HOMER2: variants seen among roughly 807,000 people sequenced by gnomAD.
HOMER2 encodes homer protein homolog 2.
A neutral mutation model predicts 47.0 loss-of-function variants in HOMER2; 27 were observed. The observed-to-expected ratio is 0.57, with a 90% confidence interval of 0.42 to 0.79. The LOEUF is 0.79. HOMER2 is among the 30% of genes least tolerant of loss of function. HOMER2 has a pLI of 0.00. For missense variants in HOMER2, 443 were observed against 435.0 expected (o/e 1.02, Z -0.16); for synonymous variants, 161 against 163.8 (o/e 0.98, Z 0.13).
intron 3 of HOMER2, among the ~76,000 whole-genome samples, chr15:82,873,392 C>T (rs1055658176): frequency 2.0e-5 from 3 of 152,200 alleles, no homozygotes; most frequent in African/African-American, 7.2e-5. Flanking sequence ...CCAAGTGAGG[C>T]TGCAGAGAAC....
intron 1 of HOMER2, among the ~76,000 whole-genome samples, chr15:82,946,972 A>C (rs1000181796): frequency 3.9e-5 from 6 of 152,160 alleles, no homozygotes; most frequent in Admixed American, 3.3e-4. Context: ...CATTGTGTTT[A>C]CTCTCACAGC....
Position 82,854,754 on chromosome 15 carries a change from C to G in HOMER2, c.541G>C (p.Glu181Gln), listed in dbSNP as rs2051512981. ...GCTGTGGTCAGCCGTGCATTGCTCT[C>G]CCGAAGGGTCTGCAGCTCGATCTCC... ...KWEIELQTLR[E>Q]SNARLTTALQ... is the part of the protein sequence containing the mutation. Residue 181 changes from glutamate to glutamine, a missense_variant, in exon 6 of 9, where the codon GAG (glutamate) becomes CAG (glutamine). By Grantham distance (29) the Glu-to-Gln change is conservative (BLOSUM62 2). Transcript: ENST00000450735. 6.2e-7 allele frequency: 1 copy of G among 1,611,988 alleles called. No individual in the cohort carries two copies. Among genetic ancestry groups the G allele is most frequent in the Non-Finnish European group, 8.5e-7 (1 of 1,179,784 alleles).
intron 4 of HOMER2, among the ~76,000 whole-genome samples, chr15:82,860,088 A>C (rs747159340): frequency 6.6e-5 from 10 of 152,046 alleles, no homozygotes; most frequent in Non-Finnish European, 1.2e-4. Flanking sequence ...TCTCTACTAA[A>C]AATACAAAAG....
chr15:82,941,181 C>T (rs995346615), intron 1 of HOMER2, among the ~76,000 whole-genome samples: 8 of 151,996 alleles, frequency 5.3e-5, no homozygotes, highest in African/African-American at 1.9e-4. Context: ...CAGTGGCTCA[C>T]ACCTGTAATC....
intron 1 of HOMER2, among the ~76,000 whole-genome samples, chr15:82,974,491 G>T (rs1953491174): frequency 6.6e-6 from 1 of 152,140 alleles, no homozygotes; most frequent in African/African-American, 2.4e-5. Context: ...CTACCATGGT[G>T]AAAACAGAGT....
At chr15:82,965,769 T>C (rs28591510) in intron 1 of HOMER2, among the ~76,000 whole-genome samples, 35,885 of 143,282 alleles carry the variant, frequency 0.25, 4,704 homozygotes, top group East Asian at 0.58. Context: ...CTCAAAGCCC[T>C]TTTTTTTTTT....
intron 1 of HOMER2, among the ~76,000 whole-genome samples, chr15:82,907,538 GGAGAGAAA>G (rs969318094): frequency 3.3e-5 from 5 of 151,732 alleles, no homozygotes; most frequent in Admixed American, 2.0e-4. Context: ...AGACAGAAAG[GGAGAGAAA>G]GGGAGAAAGG....
intron 5 of HOMER2, among the ~76,000 whole-genome samples, chr15:82,857,085 C>G (rs1413106206): frequency 1.3e-5 from 2 of 151,980 alleles, no homozygotes; most frequent in Non-Finnish European, 2.9e-5. Context: ...AACCCTACCC[C>G]TAATGTGATG....
chr15:82,882,102 C>T (rs1029145930), intron 2 of HOMER2, among the ~76,000 whole-genome samples: 6 of 152,254 alleles, frequency 3.9e-5, no homozygotes, highest in Non-Finnish European at 7.3e-5. Context: ...AATCACATGC[C>T]TATTGGCATG....
At chr15:82,908,256 T>C (rs1022126179) in intron 1 of HOMER2, among the ~76,000 whole-genome samples, 2 of 152,216 alleles carry the variant, frequency 1.3e-5, no homozygotes, top group Non-Finnish European at 2.9e-5. Flanking sequence ...CATTGTATAA[T>C]GAATGTATAT....
At chr15:82,889,305 T>C (rs1052215709) in intron 2 of HOMER2, among the ~76,000 whole-genome samples, 2 of 152,218 alleles carry the variant, frequency 1.3e-5, no homozygotes, top group African/African-American at 2.4e-5. Context: ...GGTGCATCCA[T>C]TCCTAAGTGG....
intron 1 of HOMER2, among the ~76,000 whole-genome samples, chr15:82,940,082 G>A (rs2054229815): frequency 6.6e-6 from 1 of 152,122 alleles, no homozygotes; most frequent in Non-Finnish European, 1.5e-5. Flanking sequence ...TCGGGGGAGT[G>A]GGGAGGGAAT....
At chr15:82,931,585 T>A (rs2151196669) in intron 1 of HOMER2, among the ~76,000 whole-genome samples, 2 of 142,374 alleles carry the variant, frequency 1.4e-5, no homozygotes, top group South Asian at 4.7e-4. Context: ...ATGCCTATAA[T>A]CCCAGCACTT....
intron 2 of HOMER2, among the ~76,000 whole-genome samples, chr15:82,891,937 TG>T (rs2052721627): frequency 6.6e-6 from 1 of 151,522 alleles, no homozygotes; most frequent in African/African-American, 2.4e-5. Context: ...AGATAATCCA[TG>T]TAAAAAATGT....
At chr15:82,941,019 G>A (rs113059822) in intron 1 of HOMER2, among the ~76,000 whole-genome samples, 118 of 152,272 alleles carry the variant, frequency 7.7e-4, no homozygotes, top group African/African-American at 2.7e-3. Context: ...AGCAAGGCAA[G>A]GTTTACATTA....
chr15:82,982,536 A>G (rs8025253), intron 1 of HOMER2, among the ~76,000 whole-genome samples: 34,056 of 151,958 alleles, frequency 0.22, 4,191 homozygotes, highest in East Asian at 0.57. Flanking sequence ...AGAAAATACC[A>G]GTTGAGTATC....
At chr15:82,948,226 C>T (rs2054423810) in intron 1 of HOMER2, among the ~76,000 whole-genome samples, 1 of 151,996 alleles carries the variant, frequency 6.6e-6, no homozygotes, top group Non-Finnish European at 1.5e-5. Flanking sequence ...CCCGTCTCTA[C>T]TAAAAATACA....
chr15:82,869,154 G>A (rs1463603494), intron 3 of HOMER2, among the ~76,000 whole-genome samples: 3 of 152,094 alleles, frequency 2.0e-5, no homozygotes, highest in Non-Finnish European at 4.4e-5. Context: ...CTGTAACACT[G>A]CCACCTCAAT....
At chr15:82,916,994 G>GT (rs2053608831) in intron 1 of HOMER2, among the ~76,000 whole-genome samples, 1 of 152,162 alleles carries the variant, frequency 6.6e-6, no homozygotes, top group African/African-American at 2.4e-5. Flanking sequence ...TAGAGACGGG[G>GT]TTTCACCATG....
Sources: gnomAD v4.1 joint callset for allele counts (sites outside exome capture counted in the v4.1 genomes callset) on GRCh38, gnomAD v4.1.1 for gene constraint, MANE v1.5 for transcripts, NCBI Gene and HGNC (gene_info 2026-07-23, HGNC 2026-07-21) for gene names.